Variants in GALNT12 observed in about 807,000 individuals in gnomAD.
The protein encoded by GALNT12 is polypeptide N-acetylgalactosaminyltransferase 12.
Under a neutral mutation model 55.5 loss-of-function variants are expected in GALNT12, and 45 were observed. The ratio of observed to expected loss-of-function variants is 0.81; its 90% confidence interval spans 0.64 to 1.04. GALNT12 has a LOEUF of 1.04. GALNT12 is among the 50% of genes least tolerant of loss of function. GALNT12 has a pLI of 0.00. For synonymous variants in GALNT12, 304 were observed against 312.2 expected, an observed-to-expected ratio of 0.97 and a Z score of 0.28; for missense variants, 709 against 754.8, an observed-to-expected ratio of 0.94 and a Z score of 0.71.
At chr9:98,818,522 G>C (rs759805616) in intron 1 of GALNT12, among the ~76,000 whole-genome samples, 12 of 151,750 alleles carry the variant, frequency 7.9e-5, no homozygotes, top group Non-Finnish European at 1.8e-4. Context: ...ACCACACCTG[G>C]CCAGCTGTCC....
chr9:98,845,933 T>G (rs369843697), intron 8 of GALNT12, 44 bp from the exon 9 acceptor site: 13 of 1,606,600 alleles, frequency 8.1e-6, no homozygotes, highest in Non-Finnish European at 1.1e-5. Context: ...TCTTCCCACA[T>G]CAGTGGAAAA....
Position 98,848,933 on chromosome 9 carries a change from A to G in GALNT12, c.1606-19A>G. 6.2e-7 allele frequency: 1 copy of G among 1,614,178 alleles called. No homozygotes were observed. Among genetic ancestry groups the G allele is most frequent in the East Asian group, 2.2e-5 (1 of 44,890 alleles). On this transcript the variant is annotated intron_variant, in intron 9 of 9. Coordinates refer to ENST00000375011, the MANE Select transcript of GALNT12 (RefSeq NM_024642.5). ...AGACTTTTCTGATGACTTGCCTGTC[A>G]TTCTGTTATCTTTTGTAGGATGGAT...
Position 98,807,821 on chromosome 9 carries a change from T to TGGGGCC in GALNT12, c.135_140dup (p.Gly46_Ala47dup), listed in dbSNP as rs1194232383. ...TGGGCTCGGTGCTGCGGGCGCAGCG[T>TGGGGCC]GGGGCCGGGGCCGGGGCTGCCGAGC... On this transcript the variant is annotated inframe_insertion, in exon 1 of 10. Transcript: ENST00000375011. 1.2e-5 allele frequency: 13 copies of TGGGGCC among 1,042,402 alleles called. No individual in the cohort carries two copies. The highest frequency in any genetic ancestry group is 3.5e-5 in the African/African-American group (2 of 56,588). 64.6% of individuals were successfully genotyped at this position (1,042,402 alleles called of 1,614,324 possible).
intron 2 of GALNT12, 113 bp from the exon 3 acceptor site, chr9:98,826,639 C>A: frequency 9.5e-7 from 1 of 1,055,082 alleles, no homozygotes; most frequent in Non-Finnish European, 1.4e-6. Flanking sequence ...AAGGAGGCTC[C>A]TGTCTATTTC....
rs912533623 is a variant in GALNT12 at position 98,837,080 on chromosome 9, C to T, written c.1144C>T (p.Arg382Cys). 15 of 1,614,046 alleles carry T rather than the reference C, an allele frequency of 9.3e-6. No homozygotes were observed. The highest frequency in any genetic ancestry group is 3.3e-5 in the Admixed American group (2 of 60,002). ...CAACAAGGCTCTGGCCAACAGTGTT[C>T]GTGCAGCTGAAGTATGGATGGATGA... ...SRNKALANSV[R>C]AAEVWMDEFK... Residue 382 changes from arginine to cysteine, a missense_variant, in exon 6 of 10, where the codon CGT becomes TGT. Physicochemically the swap from Arg to Cys is radical, Grantham distance 180. Around this residue, in one of 5 missense-constraint regions of GALNT12, gnomAD observed 262 missense variants for 310.7 expected, o/e 0.84. Coordinates refer to ENST00000375011, the MANE Select transcript of GALNT12 (RefSeq NM_024642.5).
In GALNT12 at chr9:98,845,701, C is replaced by CA. The variant is rs936042793; in HGVS notation, c.1459-275dup. Among the ~76,000 whole-genome samples the CA allele has an allele frequency of 1.4e-4, 21 of 152,156 alleles. 1 individual carries two copies. Among genetic ancestry groups the CA allele is most frequent in the Non-Finnish European group, 4.4e-5 (3 of 68,022 alleles). ...CACACCAACACAGCATTCAGCACTG[C>CA]AGGCAGGAGGTGACATGCACCAGCC... On this transcript the variant is annotated intron_variant, in intron 8 of 9. Coordinates refer to ENST00000375011, the MANE Select transcript of GALNT12 (RefSeq NM_024642.5).
intron 1 of GALNT12, among the ~76,000 whole-genome samples, chr9:98,821,044 C>T (rs965230566): frequency 1.3e-5 from 2 of 152,164 alleles, no homozygotes; most frequent in Non-Finnish European, 2.9e-5. Context: ...GTGGTGTTGA[C>T]ACAGATGAAT....
intron 1 of GALNT12, among the ~76,000 whole-genome samples, chr9:98,808,382 C>T (rs776932853): frequency 7.2e-5 from 11 of 152,060 alleles, no homozygotes; most frequent in Non-Finnish European, 1.3e-4. Flanking sequence ...AAGGCGAGGA[C>T]CCCCCAGCAC....
intron 3 of GALNT12, among the ~76,000 whole-genome samples, chr9:98,828,352 G>A (rs756508400): frequency 6.6e-6 from 1 of 152,150 alleles, no homozygotes; most frequent in Non-Finnish European, 1.5e-5. Flanking sequence ...CAGATTCGAG[G>A]CTCCTCTGGC....
intron 1 of GALNT12, among the ~76,000 whole-genome samples, chr9:98,810,094 G>T (rs1261291901): frequency 6.6e-6 from 1 of 152,198 alleles, no homozygotes; most frequent in African/African-American, 2.4e-5. Flanking sequence ...GGTCAGTAGG[G>T]TCAGGGTATT....
At chr9:98,828,985 G>T (rs369436720) in intron 3 of GALNT12, among the ~76,000 whole-genome samples, 1 of 150,860 alleles carries the variant, frequency 6.6e-6, no homozygotes, top group Admixed American at 6.6e-5. Context: ...GCGTGCCACC[G>T]CACCTGGCTA....
intron 7 of GALNT12, among the ~76,000 whole-genome samples, chr9:98,842,279 C>A (rs746127359): frequency 5.9e-5 from 9 of 152,046 alleles, no homozygotes; most frequent in Non-Finnish European, 1.3e-4. Context: ...GATCACTGGG[C>A]TCAAGTGATC....
At chr9:98,841,133 C>T (rs1836276917) in intron 7 of GALNT12, among the ~76,000 whole-genome samples, 1 of 152,120 alleles carries the variant, frequency 6.6e-6, no homozygotes, top group Non-Finnish European at 1.5e-5. Context: ...CTAAGGCAGC[C>T]CTCTTCCTTT....
Position 98,844,084 on chromosome 9 carries a change from T to C in GALNT12, c.1345-12T>C. On this transcript the variant is annotated splice_polypyrimidine_tract_variant and intron_variant, in intron 7 of 9. Coordinates refer to ENST00000375011, the MANE Select transcript of GALNT12 (RefSeq NM_024642.5). ...AATCTGGACTGAAATGCCACATTTATGTTTTATTTAGCTCCAGAACAAAGG... is the reference window on the plus strand; with the variant it reads ...AATCTGGACTGAAATGCCACATTTACGTTTTATTTAGCTCCAGAACAAAGG... 1 of 1,573,592 alleles carries C rather than the reference T, an allele frequency of 6.4e-7. No homozygotes were observed. The highest frequency in any genetic ancestry group is 8.7e-7 in the Non-Finnish European group (1 of 1,143,122).
At chr9:98,812,268 G>A (rs1006830318) in intron 1 of GALNT12, among the ~76,000 whole-genome samples, 1 of 151,986 alleles carries the variant, frequency 6.6e-6, no homozygotes, top group African/African-American at 2.4e-5. Flanking sequence ...TCTTTGAATA[G>A]TATGTTGCTC....
At chr9:98,809,400 G>A (rs921197162) in intron 1 of GALNT12, among the ~76,000 whole-genome samples, 2 of 152,206 alleles carry the variant, frequency 1.3e-5, no homozygotes, top group Non-Finnish European at 2.9e-5. Context: ...AAACCCCGAG[G>A]GTGCCCGCTG....
chr9:98,837,268 T>A, intron 6 of GALNT12, 120 bp downstream of exon 6: 1 of 938,712 alleles, frequency 1.1e-6, no homozygotes, highest in South Asian at 1.3e-5. Flanking sequence ...GGTGCTCAGA[T>A]ACGAGTAAGG....
intron 6 of GALNT12, 100 bp from the exon 7 acceptor site, chr9:98,839,902 A>G (rs1395654601): frequency 1.4e-5 from 21 of 1,485,170 alleles, no homozygotes; most frequent in Non-Finnish European, 2.0e-5. Context: ...ATGCTCCATC[A>G]AAGCTGGCTG....
At chr9:98,821,983 G>A (rs1470304045) in intron 1 of GALNT12, among the ~76,000 whole-genome samples, 2 of 152,188 alleles carry the variant, frequency 1.3e-5, no homozygotes, top group African/African-American at 4.8e-5. Context: ...TCTGACATGC[G>A]GTAGGTGCTC....
Sources: gnomAD v4.1 joint callset for allele counts (sites outside exome capture counted in the v4.1 genomes callset) on GRCh38, gnomAD v4.1.1 for gene constraint, gnomAD v4.1.1 regional missense constraint, MANE v1.5 for transcripts, NCBI Gene and HGNC (gene_info 2026-07-23, HGNC 2026-07-21) for gene names.